The following SPTA1 variants were observed in gnomAD, a reference collection of about 807,000 sequenced individuals.
SPTA1 encodes spectrin alpha chain, erythrocytic 1.
A neutral mutation model predicts 324.7 loss-of-function variants in SPTA1; 177 were observed. That is an observed-to-expected ratio of 0.55 (90% CI 0.48 to 0.62). The LOEUF (loss-of-function observed/expected upper bound fraction) is 0.62, where lower values mean the gene tolerates loss of function less well. SPTA1 is among the 20% of genes least tolerant of loss of function. The pLI, the probability that SPTA1 is intolerant of heterozygous loss-of-function variation, is 0.00. For synonymous variants in SPTA1, 1,195 were observed against 1,041.3 expected (o/e 1.15, Z -2.84); for missense variants, 3,162 against 2,883.6 (o/e 1.10, Z -2.21).
At chr1:158,611,430 C>A in intron 51 of SPTA1, 41 bp from the exon 52 acceptor site, 1 of 1,611,210 alleles carries the variant, frequency 6.2e-7, no homozygotes, top group South Asian at 1.1e-5. Context: ...TATAGGGATT[C>A]AAAATAGCTG....
chr1:158,622,973 T>G lies in SPTA1; in HGVS notation c.6120+10A>C, dbSNP rs538520663. 36 of 1,612,634 alleles carry G rather than the reference T, an allele frequency of 2.2e-5. No homozygotes were observed. The South Asian group carries it at 2.9e-4, about 13-fold the overall frequency. On this transcript the variant is annotated intron_variant, in intron 43 of 51. Coordinates refer to ENST00000643759, the MANE Select transcript of SPTA1 (RefSeq NM_003126.4). ...CAGAGAACTGATCATGCCTCATAATTTTTTTAAACCTTCTGTAGAGGCAGC... is the reference window on the plus strand; with the variant it reads ...CAGAGAACTGATCATGCCTCATAATGTTTTTAAACCTTCTGTAGAGGCAGC...
At chr1:158,618,137 A>C in intron 45 of SPTA1, 81 bp from the exon 46 acceptor site, 447 of 1,342,538 alleles carry the variant, frequency 3.3e-4, no homozygotes, top group Non-Finnish European at 4.3e-4. Flanking sequence ...TAAAGATCTC[A>C]TTTCCTCAGA....
At position 158,636,775 on chromosome 1, in the gene SPTA1, A is replaced by G. The variant is rs780941247; in HGVS notation, c.5190-14T>C. 1.2e-6 allele frequency: 2 copies of G among 1,613,962 alleles called. No individual in the cohort carries two copies. The highest frequency in any genetic ancestry group is 4.5e-5 in the East Asian group (2 of 44,878). Reference sequence around the variant, plus strand: ...ATCAACTTCTCCCTAAAATCAAGGAAGAAAACAGAAAGTTTGGAGTCTAGA... The same window carrying G: ...ATCAACTTCTCCCTAAAATCAAGGAGGAAAACAGAAAGTTTGGAGTCTAGA... On this transcript the variant is annotated splice_polypyrimidine_tract_variant and intron_variant, in intron 36 of 51. Coordinates refer to ENST00000643759, the MANE Select transcript of SPTA1 (RefSeq NM_003126.4).
At chr1:158,619,075 C>T (rs1158617314) in intron 45 of SPTA1, 147 bp downstream of exon 45, 8 of 805,124 alleles carry the variant, frequency 9.9e-6, no homozygotes, top group Non-Finnish European at 1.7e-5. Flanking sequence ...CAGTCAACTC[C>T]AAATATAAAG....
At chr1:158,640,085 A>T (rs1651430086) in intron 33 of SPTA1, 78 bp from the exon 34 acceptor site, 2 of 1,602,954 alleles carry the variant, frequency 1.2e-6, no homozygotes, top group Non-Finnish European at 8.5e-7. Context: ...ATAATGTAGG[A>T]AGGCTGTGAA....
At position 158,680,673 on chromosome 1, in the gene SPTA1, C is replaced by G; in HGVS notation, c.588G>C (p.Leu196=). The G allele has an allele frequency of 1.9e-6, 3 of 1,613,896 alleles. No individual in the cohort carries two copies. The highest frequency in any genetic ancestry group is 2.5e-6 in the Non-Finnish European group (3 of 1,179,872). The change falls in exon 5 of 52, where the codon CTG becomes CTC. Residue 196 remains leucine (L), a synonymous_variant. Coordinates refer to ENST00000643759, the MANE Select transcript of SPTA1 (RefSeq NM_003126.4). ...LGEDWERTEV[L]HKKFEDFQVE... is the part of the protein sequence containing the mutation. ...CTTGGAAGTCTTCAAATTTCTTATG[C>G]AGAACTTCGGTGCGCTCCCAGTCTT...
intron 37 of SPTA1, 42 bp downstream of exon 37, chr1:158,636,599 A>G: frequency 1.9e-6 from 3 of 1,610,008 alleles, no homozygotes; most frequent in South Asian, 1.1e-5. Flanking sequence ...GGGTTGCTAT[A>G]GGATGATTTC....
intron 45 of SPTA1, among the ~76,000 whole-genome samples, chr1:158,618,312 A>G (rs1443122383): frequency 1.3e-5 from 2 of 152,194 alleles, no homozygotes; most frequent in Non-Finnish European, 2.9e-5. Flanking sequence ...TTGGACACAC[A>G]TTGCCAGGAT....
chr1:158,659,924 T>C lies in SPTA1; in HGVS notation c.2587+1363A>G, dbSNP rs1046990869. 3.3e-5 allele frequency among the ~76,000 whole-genome samples: 5 copies of C among 152,068 alleles called. 1 individual carries two copies. The highest frequency in any genetic ancestry group is 1.2e-4 in the African/African-American group (5 of 41,380). On this transcript the variant is annotated intron_variant, in intron 18 of 51. Coordinates refer to ENST00000643759, the MANE Select transcript of SPTA1 (RefSeq NM_003126.4). The stretch of plus-strand genomic sequence containing the variant: ...CGCGCCCGGCCTAGTCTTAGCATTA[T>C]TATGAAAATATTTTAACTTTGTGAA...
chr1:158,656,248 A>G (rs941766485), intron 20 of SPTA1, among the ~76,000 whole-genome samples: 4 of 152,236 alleles, frequency 2.6e-5, no homozygotes, highest in Non-Finnish European at 5.9e-5. Flanking sequence ...GGAGTAAAGA[A>G]GAAAGATAAG....
chr1:158,611,218 T>G lies in SPTA1; in HGVS notation c.*46A>C, dbSNP rs760799031. The G allele has an allele frequency of 6.2e-7, 1 of 1,606,740 alleles. No homozygotes were observed. Among genetic ancestry groups the G allele is most frequent in the Admixed American group, 1.7e-5 (1 of 59,682 alleles). The stretch of plus-strand genomic sequence containing the variant: ...CCTGTACTCTTTGCCCCCCAGTAAA[T>G]TTCCCACGACACTAAGATTTTCTAC... On this transcript the variant is annotated 3_prime_UTR_variant, in exon 52 of 52. Coordinates refer to ENST00000643759, the MANE Select transcript of SPTA1 (RefSeq NM_003126.4).
chr1:158,679,769 T>C (rs1159669930), intron 5 of SPTA1, among the ~76,000 whole-genome samples: 1 of 152,124 alleles, frequency 6.6e-6, no homozygotes, highest in Non-Finnish European at 1.5e-5. Context: ...GTTGATTGGT[T>C]AGACAGTAAT....
intron 47 of SPTA1, 79 bp downstream of exon 47, chr1:158,617,458 T>TAA: frequency 8.3e-7 from 1 of 1,209,866 alleles, no homozygotes; most frequent in Non-Finnish European, 1.2e-6. Flanking sequence ...AAGTATCACC[T>TAA]GGGCTTCCCT....
chr1:158,685,258 G>C lies in SPTA1; in HGVS notation c.114C>G (p.Phe38Leu), dbSNP rs370472299. 1.2e-6 allele frequency: 2 copies of C among 1,613,678 alleles called. No homozygotes were observed. Among genetic ancestry groups the C allele is most frequent in the East Asian group, 2.2e-5 (1 of 44,848 alleles). ...RQEVLTRYQS[F>L]KERVAERGQK... The stretch of plus-strand genomic sequence containing the variant: ...GACCCCTCTCAGCGACCCGCTCCTT[G>C]AAACTTTGATACCGAGTCAACACTT... The change falls in exon 2 of 52, where the codon TTC becomes TTG. Residue 38 changes from phenylalanine (F) to leucine (L), a missense_variant. Phe to Leu is a conservative substitution (Grantham distance 22). Transcript: ENST00000643759.
intron 16 of SPTA1, among the ~76,000 whole-genome samples, chr1:158,663,940 G>T (rs1653421777): frequency 6.6e-6 from 1 of 152,150 alleles, no homozygotes. Context: ...GCCATTCAGT[G>T]CTCAATCTAT....
rs995337947 is a variant in SPTA1, at chr1:158,611,169, G to T, written c.*95C>A. The T allele has an allele frequency of 1.9e-5, 20 of 1,045,710 alleles. 1 individual carries two copies. Among genetic ancestry groups the T allele is most frequent in the Non-Finnish European group, 2.6e-5 (19 of 718,264 alleles). 64.8% of individuals were successfully genotyped at this position (1,045,710 alleles called of 1,614,324 possible). On this transcript the variant is annotated 3_prime_UTR_variant, in exon 52 of 52. Transcript: ENST00000643759. ...CACACACACACACACACACACACGA[G>T]GCCATCTTTATCTTCCACATTTGCC...
At position 158,623,055 on chromosome 1, in the gene SPTA1, G is replaced by A; in HGVS notation, c.6048C>T (p.Arg2016=). 6.2e-7 allele frequency: 1 copy of A among 1,614,138 alleles called. No homozygotes were observed. Among genetic ancestry groups the A allele is most frequent in the Non-Finnish European group, 8.5e-7 (1 of 1,180,028 alleles). ...IEERYAALLK[R]WEQLLEASAV... is the part of the protein sequence containing the mutation. ...CCGAGGCTTCCAGCAACTGTTCCCA[G>A]CGCTTCAGCAGAGCGGCATAACGCT... The change falls in exon 43 of 52, where the codon CGC becomes CGT. Residue 2016 remains arginine (R), a synonymous_variant. Transcript: ENST00000643759.
In SPTA1 at chr1:158,642,422, C is replaced by T; in HGVS notation, c.4726G>A (p.Glu1576Lys). 6.2e-7 allele frequency: 1 copy of T among 1,613,512 alleles called. No individual in the cohort carries two copies. Among genetic ancestry groups the T allele is most frequent in the Non-Finnish European group, 8.5e-7 (1 of 1,179,618 alleles). ...ATCCTGAGCTTTACCTTCATGGCCT[C>T]TTCATTGCCATCACAAGCGCTACAC... Reference protein sequence around the residue: ...IECSACDGNEEAMKEQLEQLK... With the variant: ...IECSACDGNEKAMKEQLEQLK... Residue 1576 changes from glutamate to lysine, a missense_variant, in exon 33 of 52, where the codon GAG becomes AAG. Coordinates refer to ENST00000643759, the MANE Select transcript of SPTA1 (RefSeq NM_003126.4).
chr1:158,645,311 G>A lies in SPTA1; in HGVS notation c.4071C>T (p.Asp1357=), dbSNP rs757987725. Residue 1357 remains aspartate, a synonymous_variant, in exon 29 of 52, where the codon GAC becomes GAT. Coordinates refer to ENST00000643759, the MANE Select transcript of SPTA1 (RefSeq NM_003126.4). ...ALEDFSAELI[D]SGHHASPEIE... is the part of the protein sequence containing the mutation. ...TTTCAGGGCTAGCATGGTGCCCACT[G>A]TCGATAAGTTCTGCACTGAAGTCCT... 1 of 1,614,036 alleles carries A rather than the reference G, an allele frequency of 6.2e-7. No homozygotes were observed. Among genetic ancestry groups the A allele is most frequent in the African/African-American group, 1.3e-5 (1 of 75,030 alleles).
Sources: allele counts gnomAD v4.1 joint callset (sites outside exome capture counted in the v4.1 genomes callset), GRCh38; gene constraint gnomAD v4.1.1; transcripts MANE v1.5; gene names NCBI Gene and HGNC (gene_info 2026-07-23, HGNC 2026-07-21).